PRDM1: variants seen among roughly 807,000 people sequenced by gnomAD.
PRDM1 encodes PR domain zinc finger protein 1.
In PRDM1, 13 loss-of-function variants were observed where a neutral mutation model predicts 62.8. The ratio of observed to expected loss-of-function variants is 0.21; its 90% CI spans 0.13 to 0.33. PRDM1 has a LOEUF of 0.33. Ranked by LOEUF, PRDM1 falls within the 10% of genes least tolerant of loss-of-function variation. PRDM1 has a pLI of 1.00. For synonymous variants in PRDM1, 396 were observed against 417.6 expected (o/e 0.95, Z 0.63); for missense variants, 895 against 1,058.8 (o/e 0.85, Z 2.15).
chr6:106,052,157 G>A (rs1773186473), intron 1 of PRDM1, among the ~76,000 whole-genome samples: 1 of 151,938 alleles, frequency 6.6e-6, no homozygotes, highest in African/African-American at 2.4e-5. Flanking sequence ...ACTTAAAAGT[G>A]GTTAAAATGG....
upstream of PRDM1, among the ~76,000 whole-genome samples, chr6:106,082,942 A>G (rs1357047859): frequency 6.6e-6 from 1 of 152,090 alleles, no homozygotes; most frequent in Non-Finnish European, 1.5e-5. Flanking sequence ...TGTGTCATAC[A>G]TATATTCTCT....
intron 1 of PRDM1, among the ~76,000 whole-genome samples, chr6:106,081,256 G>T (rs993958270): frequency 3.3e-5 from 5 of 152,114 alleles, no homozygotes; most frequent in African/African-American, 9.7e-5. Context: ...ACATTTAAAA[G>T]GTTCTCCAAT....
chr6:106,092,934 C>T (rs961969316), intron 2 of PRDM1, among the ~76,000 whole-genome samples: 1 of 152,094 alleles, frequency 6.6e-6, no homozygotes, highest in Non-Finnish European at 1.5e-5. Context: ...TTTATATGTG[C>T]CCTATAGCAC....
chr6:106,038,851 T>C (rs1166109860), intron 1 of PRDM1, among the ~76,000 whole-genome samples: 1 of 152,144 alleles, frequency 6.6e-6, no homozygotes, highest in African/African-American at 2.4e-5. Context: ...GTTGCATGAG[T>C]TCCAAAATAG....
rs759987577 is a variant in PRDM1 at position 106,086,644 on chromosome 6, CTTTAT to C, written c.42+53_42+57del. 5.8e-5 allele frequency: 84 copies of C among 1,457,964 alleles called. No individual in the cohort carries two copies. In the South Asian group the frequency reaches 9.4e-4, roughly 16 times the overall value. The allele number at this position is 1,457,964 out of a possible 1,614,324, so 90.3% of individuals were successfully genotyped here. On this transcript the variant is annotated intron_variant, in intron 1 of 6. Transcript: ENST00000369096. ...TTTAATTCTGAAATTGATCTGAAAA[CTTTAT>C]TTTCTTTTCCTTTATTGTTATTATT...
intron 1 of PRDM1, among the ~76,000 whole-genome samples, chr6:106,000,358 G>A (rs1772412685): frequency 2.0e-5 from 3 of 152,300 alleles, no homozygotes; most frequent in Admixed American, 2.0e-4. Flanking sequence ...TGAGGTAGGA[G>A]GATCGCTTGA....
upstream of PRDM1, among the ~76,000 whole-genome samples, chr6:106,047,389 A>G (rs887719294): frequency 6.6e-6 from 1 of 152,228 alleles, no homozygotes; most frequent in Non-Finnish European, 1.5e-5. Flanking sequence ...TGTCTTTAAC[A>G]GTGGGGTAGG....
intron 4 of PRDM1, among the ~76,000 whole-genome samples, chr6:106,101,060 T>C (rs1774255502): frequency 6.6e-6 from 1 of 152,086 alleles, no homozygotes; most frequent in Non-Finnish European, 1.5e-5. Context: ...AAACGACAAA[T>C]GCACAGGCAC....
intron 1 of PRDM1, among the ~76,000 whole-genome samples, chr6:106,023,088 G>A (rs6911690): frequency 0.91 from 138,393 of 152,198 alleles, 63,055 homozygotes; most frequent in African/African-American, 0.96. Context: ...ATCTTTTCCA[G>A]TGTTCTGCTC....
intron 4 of PRDM1, among the ~76,000 whole-genome samples, chr6:106,101,823 T>C (rs953310885): frequency 3.3e-5 from 5 of 152,136 alleles, no homozygotes; most frequent in Non-Finnish European, 7.4e-5. Flanking sequence ...GCGGTAGAGT[T>C]TGGAGAAGAA....
chr6:106,075,010 A>C (rs1478171220), intron 1 of PRDM1, among the ~76,000 whole-genome samples: 1 of 152,224 alleles, frequency 6.6e-6, no homozygotes, highest in Non-Finnish European at 1.5e-5. Context: ...CATCATTTTA[A>C]AGAAGCTCTA....
At chr6:106,058,736 C>T (rs1167961851) in intron 1 of PRDM1, among the ~76,000 whole-genome samples, 1 of 152,120 alleles carries the variant, frequency 6.6e-6, no homozygotes, top group African/African-American at 2.4e-5. Context: ...CCATGCCAGG[C>T]TAATTTTGTA....
intron 3 of PRDM1, chr6:106,098,634 A>G: frequency 7.5e-7 from 1 of 1,330,242 alleles, no homozygotes; most frequent in Non-Finnish European, 1.0e-6. Context: ...TCAGTAATAG[A>G]CTGTCAAATT....
intron 1 of PRDM1, among the ~76,000 whole-genome samples, chr6:106,009,314 A>G (rs1175279520): frequency 6.6e-6 from 1 of 152,176 alleles, no homozygotes; most frequent in Non-Finnish European, 1.5e-5. Context: ...AGTGTGGCAA[A>G]TATTTACGTG....
At chr6:106,055,456 T>C (rs1248571391) in intron 1 of PRDM1, among the ~76,000 whole-genome samples, 3 of 152,218 alleles carry the variant, frequency 2.0e-5, no homozygotes, top group Non-Finnish European at 4.4e-5. Context: ...ACATCTCTTA[T>C]GGTTTATTTA....
chr6:105,999,520 A>T (rs1424032428), intron 1 of PRDM1, among the ~76,000 whole-genome samples: 1 of 152,142 alleles, frequency 6.6e-6, no homozygotes, highest in East Asian at 1.9e-4. Context: ...GACTTTGATT[A>T]TGTGTGTTGC....
chr6:106,105,182 G>A lies in PRDM1; in HGVS notation c.1022G>A (p.Ser341Asn), dbSNP rs766132732. 5.6e-6 allele frequency: 9 copies of A among 1,613,176 alleles called. No homozygotes were observed. In the South Asian group the frequency reaches 9.9e-5, roughly 18 times the overall value. ...SSTTPSPSAR[S>N]SPDQSLKSSS... ...ACCACTCCAAGCCCCTCTGCAAGAAGCAGCCCCGACCAAAGCCTCAAGAGC... is the reference window on the plus strand; with the variant it reads ...ACCACTCCAAGCCCCTCTGCAAGAAACAGCCCCGACCAAAGCCTCAAGAGC... The change falls in exon 5 of 7, where the codon AGC becomes AAC. Residue 341 changes from serine (S) to asparagine (N), a missense_variant. Ser to Asn is a conservative substitution (Grantham distance 46). Coordinates refer to ENST00000369096, the MANE Select transcript of PRDM1 (RefSeq NM_001198.4).
chr6:106,108,245 A>G lies in PRDM1; in HGVS notation c.*759A>G. The G allele has an allele frequency of 4.3e-6, 1 of 233,662 alleles. No homozygotes were observed. Among genetic ancestry groups the G allele is most frequent in the Non-Finnish European group, 8.5e-6 (1 of 117,980 alleles). 14.5% of individuals were successfully genotyped at this position (233,662 alleles called of 1,614,324 possible). A position where few individuals can be genotyped will look rare whatever the true frequency, so the allele number is the denominator to read the frequency against. ...TAGTTCATGTTTTTCCCCCAGCCACAATTTTACCGGAAGGGTGACAGGAAG... is the reference window on the plus strand; with the variant it reads ...TAGTTCATGTTTTTCCCCCAGCCACGATTTTACCGGAAGGGTGACAGGAAG... On this transcript the variant is annotated 3_prime_UTR_variant, in exon 7 of 7. Transcript: ENST00000369096.
intron 1 of PRDM1, chr6:106,071,998 T>C (rs1024053495): frequency 1.3e-5 from 2 of 152,164 alleles, no homozygotes; most frequent in Non-Finnish European, 2.9e-5. Flanking sequence ...CATCAGGATA[T>C]TTTAAAGTTT....
Sources: gnomAD v4.1 joint callset for allele counts (sites outside exome capture counted in the v4.1 genomes callset) on GRCh38, gnomAD v4.1.1 for gene constraint, MANE v1.5 for transcripts, NCBI Gene and HGNC (gene_info 2026-07-23, HGNC 2026-07-21) for gene names.